PLD1: variants seen among roughly 807,000 people sequenced by gnomAD.
PLD1 encodes the protein choline phosphatase 1.
Under a neutral mutation model 137.1 loss-of-function variants are expected in PLD1, and 112 were observed. That is an observed-to-expected ratio of 0.82 (90% CI 0.70 to 0.96). PLD1 has a LOEUF of 0.96. PLD1 is among the 40% of genes least tolerant of loss of function. PLD1 has a pLI of 0.00. For missense variants in PLD1, 1,321 were observed against 1,342.0 expected, an observed-to-expected ratio of 0.98 and a Z score of 0.24; for synonymous variants, 431 against 454.7, an observed-to-expected ratio of 0.95 and a Z score of 0.66.
At chr3:171,685,302 C>T (rs1714439043) in intron 16 of PLD1, among the ~76,000 whole-genome samples, 1 of 152,164 alleles carries the variant, frequency 6.6e-6, no homozygotes, top group Admixed American at 6.5e-5. Context: ...GGTTCATTAG[C>T]ACCTGCAAGC....
chr3:171,764,033 G>T (rs990426440), intron 1 of PLD1, among the ~76,000 whole-genome samples: 4 of 152,130 alleles, frequency 2.6e-5, no homozygotes, highest in African/African-American at 9.6e-5. Flanking sequence ...ACTAAAATGG[G>T]TGATCAAAGC....
chr3:171,737,953 G>T lies in PLD1; in HGVS notation c.99C>A (p.Leu33=). Reference sequence around the variant, plus strand: ...AGTCTACCTCCTCTCCCTCAAAGTGGAGTTCCCGCGTGTCCAGATTTTCTA... The same window carrying T: ...AGTCTACCTCCTCTCCCTCAAAGTGTAGTTCCCGCGTGTCCAGATTTTCTA... The part of the protein sequence containing the change: ...NIIENLDTRE[L]HFEGEEVDYD... Residue 33 remains leucine, a synonymous_variant, in exon 2 of 27, where the codon CTC becomes CTA. Transcript: ENST00000351298. The T allele has an allele frequency of 6.2e-7, 1 of 1,613,986 alleles. No homozygotes were observed. Among genetic ancestry groups the T allele is most frequent in the Non-Finnish European group, 8.5e-7 (1 of 1,179,962 alleles).
In PLD1 at chr3:171,737,543, A is replaced by T. The variant is rs377121410; in HGVS notation, c.277T>A (p.Ser93Thr). 1 of 1,610,422 alleles carries T rather than the reference A, an allele frequency of 6.2e-7. No individual in the cohort carries two copies. The highest frequency in any genetic ancestry group is 8.5e-7 in the Non-Finnish European group (1 of 1,179,182). Residue 93 changes from serine (S) to threonine (T), a missense_variant, in exon 3 of 27, where the codon TCT becomes ACT. Physicochemically the swap from Ser to Thr is moderately conservative, Grantham distance 58. Coordinates refer to ENST00000351298, the MANE Select transcript of PLD1 (RefSeq NM_002662.5). ...ATAAACGCTCTGACCCTTGTTGTAGATGTGAAGCGTTCCACTTCCAGAACT... is the reference window on the plus strand; with the variant it reads ...ATAAACGCTCTGACCCTTGTTGTAGTTGTGAAGCGTTCCACTTCCAGAACT... ...AQVLEVERFT[S>T]TTRVPSINLY...
In PLD1 at chr3:171,651,355, G is replaced by T. The variant is rs1249225798; in HGVS notation, c.2430-6332C>A. On this transcript the variant is annotated intron_variant, in intron 21 of 26. Coordinates refer to ENST00000351298, the MANE Select transcript of PLD1 (RefSeq NM_002662.5). ...GTGTGTGTGTGTGTGTGTGTAAAGA[G>T]AATTTTATACTATGGTGGTATCAAT... 2.0e-5 allele frequency among the ~76,000 whole-genome samples: 3 copies of T among 151,420 alleles called. No individual in the cohort carries two copies. The East Asian group carries it at 5.8e-4, about 29-fold the overall frequency.
chr3:171,691,525 G>T (rs1372493898), intron 13 of PLD1, among the ~76,000 whole-genome samples: 3 of 152,066 alleles, frequency 2.0e-5, no homozygotes. Context: ...TCTTAAAGTT[G>T]TAACATTCTA....
intron 19 of PLD1, among the ~76,000 whole-genome samples, chr3:171,672,422 C>T (rs564322303): frequency 6.6e-6 from 1 of 152,110 alleles, no homozygotes; most frequent in Non-Finnish European, 1.5e-5. Context: ...TCCAGGCCAC[C>T]TGAACATGTG....
At chr3:171,747,485 C>A in intron 1 of PLD1, among the ~76,000 whole-genome samples, 1 of 112,620 alleles carries the variant, frequency 8.9e-6, no homozygotes, top group South Asian at 3.0e-4. Context: ...TTTTTTTTTT[C>A]TCCTCTAGAA....
intron 1 of PLD1, among the ~76,000 whole-genome samples, chr3:171,756,674 T>C (rs1473982712): frequency 6.6e-6 from 1 of 152,166 alleles, no homozygotes; most frequent in Non-Finnish European, 1.5e-5. Context: ...AAACATACGA[T>C]GTAATCAGGA....
chr3:171,699,941 G>T, intron 11 of PLD1, 115 bp from the exon 12 acceptor site: 1 of 757,450 alleles, frequency 1.3e-6, no homozygotes, highest in East Asian at 2.5e-5. Context: ...ATCCTCCATT[G>T]TGATGGGTAA....
intron 8 of PLD1, among the ~76,000 whole-genome samples, chr3:171,720,322 G>T (rs1278966288): frequency 1.3e-5 from 2 of 149,420 alleles, no homozygotes; most frequent in Admixed American, 1.3e-4. Context: ...AAGGCCGGGC[G>T]CGGTGGCTCA....
At chr3:171,648,515 A>T (rs1368165801) in intron 21 of PLD1, among the ~76,000 whole-genome samples, 1 of 152,144 alleles carries the variant, frequency 6.6e-6, no homozygotes, top group East Asian at 1.9e-4. Flanking sequence ...TTTATCATTT[A>T]ACAGGGTATC....
chr3:171,780,223 TGG>T (rs1249928343), intron 1 of PLD1, among the ~76,000 whole-genome samples: 1 of 151,456 alleles, frequency 6.6e-6, no homozygotes, highest in East Asian at 1.9e-4. Flanking sequence ...AACTGGGGTT[TGG>T]ATATATAAGT....
chr3:171,607,972 G>T (rs1732337834), intron 25 of PLD1, among the ~76,000 whole-genome samples: 1 of 152,108 alleles, frequency 6.6e-6, no homozygotes, highest in Non-Finnish European at 1.5e-5. Flanking sequence ...GAAAAAAATG[G>T]TTGTAGTCTA....
chr3:171,660,685 A>G (rs1427922501), intron 20 of PLD1, among the ~76,000 whole-genome samples: 3 of 152,054 alleles, frequency 2.0e-5, no homozygotes, highest in African/African-American at 4.8e-5. Context: ...GGCTCACTGC[A>G]ACCTTCGCCT....
chr3:171,762,688 G>A (rs1246058671), intron 1 of PLD1, among the ~76,000 whole-genome samples: 1 of 152,188 alleles, frequency 6.6e-6, no homozygotes, highest in Admixed American at 6.5e-5. Flanking sequence ...GGGTCGGACT[G>A]TGCAATCTAA....
At position 171,676,756 on chromosome 3, in the gene PLD1, C is replaced by T. The variant is rs773561636; in HGVS notation, c.2074G>A (p.Asp692Asn). Residue 692 changes from aspartate to asparagine, a missense_variant, in exon 18 of 27, where the codon GAT (aspartate) becomes AAT (asparagine). Asp to Asn is a conservative substitution (Grantham distance 23). Coordinates refer to ENST00000351298, the MANE Select transcript of PLD1 (RefSeq NM_002662.5). ...ASAVHGKAAR[D>N]VARHFIQRWN... The stretch of plus-strand genomic sequence containing the variant: ...CGCTGGATGAAGTGACGTGCCACAT[C>T]ACGAGCCGCCTTCCCGTGGACTGCA... 6 of 1,614,190 alleles carry T rather than the reference C, an allele frequency of 3.7e-6. No individual in the cohort carries two copies. Among genetic ancestry groups the T allele is most frequent in the Non-Finnish European group, 5.1e-6 (6 of 1,180,018 alleles).
chr3:171,736,600 T>G (rs530854858), intron 3 of PLD1, among the ~76,000 whole-genome samples: 1 of 152,224 alleles, frequency 6.6e-6, no homozygotes, highest in African/African-American at 2.4e-5. Flanking sequence ...TCAGTACATG[T>G]GCAGGTAGGC....
intron 8 of PLD1, among the ~76,000 whole-genome samples, chr3:171,719,894 G>A (rs6761990): frequency 0.033 from 5,052 of 152,166 alleles, 226 homozygotes; most frequent in African/African-American, 0.1. Flanking sequence ...ATTTGTCAAC[G>A]TAGAATAAAT....
chr3:171,763,539 G>C (rs1429413848), intron 1 of PLD1, among the ~76,000 whole-genome samples: 1 of 84,564 alleles, frequency 1.2e-5, no homozygotes, highest in Non-Finnish European at 2.3e-5. Context: ...GGAGGAGAGG[G>C]GAGGGGAGGG....
Sources: gnomAD v4.1 joint callset for allele counts (sites outside exome capture counted in the v4.1 genomes callset) on GRCh38, gnomAD v4.1.1 for gene constraint, MANE v1.5 for transcripts, NCBI Gene and HGNC (gene_info 2026-07-23, HGNC 2026-07-21) for gene names.